Variants in TASP1 observed in about 807,000 individuals in gnomAD.
The protein encoded by TASP1 is threonine aspartase 1.
Under a neutral mutation model 56.6 loss-of-function variants are expected in TASP1, and 16 were observed. The ratio of observed to expected loss-of-function variants is 0.28; its 90% confidence interval spans 0.19 to 0.43. The LOEUF (loss-of-function observed/expected upper bound fraction) is 0.43. Ranked by LOEUF, TASP1 falls within the 20% of genes least tolerant of loss-of-function variation. The pLI, the probability that TASP1 is intolerant of heterozygous loss-of-function variation, is 1.00. For missense variants in TASP1, 393 were observed against 511.6 expected, an observed-to-expected ratio of 0.77 and a Z score of 2.24; for synonymous variants, 179 against 184.2, an observed-to-expected ratio of 0.97 and a Z score of 0.23.
chr20:13,534,052 C>T lies in TASP1; in HGVS notation c.765G>A (p.Leu255=), dbSNP rs145022707. 3.7e-3 allele frequency: 5,995 copies of T among 1,613,410 alleles called. 37 individuals are homozygous for T. The highest frequency in any genetic ancestry group is 0.016 in the Admixed American group (979 of 59,946). ...NVAAAVSSGG[L]ALKHPGRVGQ... is the part of the protein sequence containing the mutation. ...CAACTCTCCCCGGATGTTTCAAGGC[C>T]AAGCCTCCACTGGAGACAGCAGCAG... Residue 255 remains leucine, a synonymous_variant, in exon 9 of 14, where the codon TTG becomes TTA. Transcript: ENST00000337743.
chr20:13,538,034 C>T (rs1601166710), intron 8 of TASP1, among the ~76,000 whole-genome samples: 1 of 147,864 alleles, frequency 6.8e-6, no homozygotes, highest in Non-Finnish European at 1.5e-5. Flanking sequence ...CAGAATTTCG[C>T]TCTTGTTGCC....
At chr20:13,120,867 T>C in the TASP1 span, among the ~76,000 whole-genome samples, 2 of 152,202 alleles carry the variant, frequency 1.3e-5, no homozygotes, top group Non-Finnish European at 2.9e-5. Context: ...CAGCAGAGTT[T>C]TGCTGTTTTG....
chr20:13,286,570 A>C, the TASP1 span, among the ~76,000 whole-genome samples: 1 of 152,172 alleles, frequency 6.6e-6, no homozygotes, highest in Non-Finnish European at 1.5e-5. Context: ...TTGGGAGGAA[A>C]ATAGATGGGG....
chr20:13,508,212 A>C (rs2044201538), intron 10 of TASP1, among the ~76,000 whole-genome samples: 1 of 152,004 alleles, frequency 6.6e-6, no homozygotes, highest in South Asian at 2.1e-4. Context: ...TGATATGACA[A>C]CAAAAGCACA....
the TASP1 span, among the ~76,000 whole-genome samples, chr20:13,348,021 T>C: frequency 1.1e-4 from 16 of 152,202 alleles, no homozygotes; most frequent in Non-Finnish European, 4.4e-5. Context: ...CAGGAGACAT[T>C]TGGCAATATC....
chr20:13,121,571 CGAG>C, the TASP1 span, among the ~76,000 whole-genome samples: 1 of 152,084 alleles, frequency 6.6e-6, no homozygotes, highest in Non-Finnish European at 1.5e-5. Context: ...AACCTCGATA[CGAG>C]GAGACCTCTA....
the TASP1 span, among the ~76,000 whole-genome samples, chr20:13,184,482 TC>T: frequency 1.3e-5 from 2 of 152,256 alleles, no homozygotes; most frequent in Non-Finnish European, 2.9e-5. Flanking sequence ...ACATTGCACT[TC>T]AGGTTTTTAT....
chr20:13,471,404 G>C lies in TASP1; in HGVS notation c.985+11823C>G, dbSNP rs568180783. ...AAAACCAATGCCATTCTCTCTACAT[G>C]TCCAATGTTTCAAATATGACATTCC... On this transcript the variant is annotated intron_variant, in intron 11 of 13. Transcript: ENST00000337743. Among the ~76,000 whole-genome samples, 7 of 152,200 alleles carry C rather than the reference G, an allele frequency of 4.6e-5. No homozygotes were observed. In the South Asian group the frequency reaches 1.5e-3, roughly 32 times the overall value.
the TASP1 span, among the ~76,000 whole-genome samples, chr20:13,384,270 G>A: frequency 6.6e-6 from 1 of 152,166 alleles, no homozygotes. Flanking sequence ...CACCCACAAA[G>A]TTTTTCTGCA....
At chr20:13,324,686 G>A in the TASP1 span, among the ~76,000 whole-genome samples, 47 of 152,280 alleles carry the variant, frequency 3.1e-4, 1 homozygote, top group East Asian at 3.9e-4. Flanking sequence ...TCTTCACACC[G>A]CTTTCAATTT....
At chr20:13,524,114 A>G (rs547246479) in intron 10 of TASP1, among the ~76,000 whole-genome samples, 2 of 151,622 alleles carry the variant, frequency 1.3e-5, no homozygotes, top group East Asian at 1.9e-4. Flanking sequence ...ACACCACTGC[A>G]TTCACTCCAG....
At chr20:13,586,100 A>G (rs564136792) in intron 5 of TASP1, among the ~76,000 whole-genome samples, 1 of 144,894 alleles carries the variant, frequency 6.9e-6, no homozygotes, top group East Asian at 2.1e-4. Flanking sequence ...GCACCACTGC[A>G]CTCCAGGCTG....
At chr20:13,292,427 A>C in the TASP1 span, 1 of 1,606,246 alleles carries the variant, frequency 6.2e-7, no homozygotes, top group East Asian at 2.2e-5. Context: ...GCTTGCGGGA[A>C]GCGAGGAGTT....
At chr20:13,332,210 T>C in the TASP1 span, among the ~76,000 whole-genome samples, 2 of 152,206 alleles carry the variant, frequency 1.3e-5, no homozygotes, top group Admixed American at 6.5e-5. Context: ...TTAAGATCCA[T>C]ACATGTGTGT....
chr20:13,188,305 C>T, the TASP1 span, among the ~76,000 whole-genome samples: 1 of 152,178 alleles, frequency 6.6e-6, no homozygotes, highest in South Asian at 2.1e-4. Context: ...ACACAGTCCA[C>T]TAAAAAATTC....
chr20:13,129,941 G>GA, the TASP1 span, among the ~76,000 whole-genome samples: 85 of 146,996 alleles, frequency 5.8e-4, no homozygotes, highest in African/African-American at 1.4e-3. Flanking sequence ...TCTTAAGAGA[G>GA]AAAAAAAAAA....
At chr20:13,496,030 G>C (rs1235151437) in intron 10 of TASP1, among the ~76,000 whole-genome samples, 1 of 151,984 alleles carries the variant, frequency 6.6e-6, no homozygotes, top group Non-Finnish European at 1.5e-5. Flanking sequence ...TAAACCTGTA[G>C]GCTAAGGTTT....
At chr20:13,278,145 C>G in the TASP1 span, among the ~76,000 whole-genome samples, 1 of 152,156 alleles carries the variant, frequency 6.6e-6, no homozygotes, top group African/African-American at 2.4e-5. Flanking sequence ...AAGAGCTATG[C>G]GATGGCCAAA....
the TASP1 span, chr20:13,300,788 G>GT: frequency 6.6e-6 from 1 of 152,206 alleles, no homozygotes; most frequent in African/African-American, 2.4e-5. Context: ...TGTGGGTGGT[G>GT]TAAGTCATGG....
Sources: gnomAD v4.1 joint callset for allele counts (sites outside exome capture counted in the v4.1 genomes callset) on GRCh38, gnomAD v4.1.1 for gene constraint, MANE v1.5 for transcripts, NCBI Gene and HGNC (gene_info 2026-07-23, HGNC 2026-07-21) for gene names.